The following CSPP1 variants were observed in gnomAD, a reference collection of about 807,000 sequenced individuals.
The protein encoded by CSPP1 is centrosome and spindle pole-associated protein 1.
CSPP1 carries 126 observed loss-of-function variants against 164.4 expected under a neutral mutation model. The observed-to-expected ratio is 0.77, with a 90% CI of 0.66 to 0.89. The LOEUF (loss-of-function observed/expected upper bound fraction) is 0.89, where lower values mean the gene tolerates loss of function less well. Among genes scored for constraint, CSPP1 ranks in the 40% least tolerant of loss-of-function variants. The pLI is 0.00. For synonymous variants in CSPP1, 472 were observed against 476.7 expected (o/e 0.99, Z 0.13); for missense variants, 1,395 against 1,449.8 (o/e 0.96, Z 0.61).
chr8:67,175,487 GT>G (rs762472103), intron 26 of CSPP1, 51 bp downstream of exon 26: 1 of 1,602,260 alleles, frequency 6.2e-7, no homozygotes, highest in Non-Finnish European at 8.5e-7. Context: ...CTGTTTTTCC[GT>G]AGGCTTTCTG....
intron 12 of CSPP1, among the ~76,000 whole-genome samples, chr8:67,115,668 C>A (rs1343512741): frequency 6.6e-6 from 1 of 151,602 alleles, no homozygotes; most frequent in Non-Finnish European, 1.5e-5. Context: ...GAGACTCTGC[C>A]TCAAAAATAA....
intron 15 of CSPP1, 74 bp downstream of exon 15, chr8:67,118,895 C>A: frequency 1.0e-6 from 1 of 964,596 alleles, no homozygotes; most frequent in South Asian, 1.3e-5. Flanking sequence ...TAAAAGCCAC[C>A]ATCCTAACAT....
In CSPP1 at chr8:67,158,528, GAA is replaced by G; in HGVS notation, c.2324_2325del (p.Glu775AlafsTer10). 1 of 1,612,858 alleles carries G rather than the reference GAA, an allele frequency of 6.2e-7. No individual in the cohort carries two copies. Among genetic ancestry groups the G allele is most frequent in the Non-Finnish European group, 8.5e-7 (1 of 1,179,212 alleles). On this transcript the variant is annotated frameshift_variant, in exon 20 of 31. Transcript: ENST00000678616. LOFTEE classifies it high-confidence loss of function. ...AEEKEERRLAEQRARIQQEYE... is the reference protein window; with the variant it reads ...AEEKEERRLAXQRARIQQEYE... Reference sequence around the variant, plus strand: ...AGAAAAAGAAGAAAGACGGCTTGCAGAACAGAGGGCACGAATTCAGCAGGAGT... The same window carrying G: ...AGAAAAAGAAGAAAGACGGCTTGCAGCAGAGGGCACGAATTCAGCAGGAGT...
chr8:67,177,477 A>C (rs1202863596), intron 26 of CSPP1, among the ~76,000 whole-genome samples: 1 of 152,224 alleles, frequency 6.6e-6, no homozygotes, highest in East Asian at 1.9e-4. Context: ...ATGTTCATTC[A>C]TGTGAATGGG....
chr8:67,167,506 AGCT>A (rs1829618344), intron 24 of CSPP1, among the ~76,000 whole-genome samples: 1 of 108,970 alleles, frequency 9.2e-6, no homozygotes, highest in African/African-American at 3.4e-5. Flanking sequence ...CAGACGGGGC[AGCT>A]GCCGGGCGGA....
chr8:67,165,206 C>T (rs1244524626), intron 24 of CSPP1, among the ~76,000 whole-genome samples: 2 of 152,066 alleles, frequency 1.3e-5, no homozygotes, highest in Non-Finnish European at 2.9e-5. Context: ...ATGGCGTGAA[C>T]CCAGGAGGCG....
chr8:67,093,742 GTAAATACTTGCAAAAT>G, intron 6 of CSPP1, 101 bp downstream of exon 6: 1 of 621,250 alleles, frequency 1.6e-6, no homozygotes, highest in South Asian at 3.2e-5. Flanking sequence ...ACTTTTTTTT[GTAAATACTTGCAAAAT>G]TAAGCCAAAT....
intron 12 of CSPP1, chr8:67,115,197 A>C (rs1817681700): frequency 1.3e-5 from 2 of 152,240 alleles, no homozygotes; most frequent in Non-Finnish European, 2.9e-5. Context: ...TGTTTTACAG[A>C]ATACTATAAC....
At chr8:67,142,528 A>C (rs1477866958) in intron 17 of CSPP1, among the ~76,000 whole-genome samples, 1 of 152,108 alleles carries the variant, frequency 6.6e-6, no homozygotes, top group Non-Finnish European at 1.5e-5. Flanking sequence ...ATAGTATTAC[A>C]TTTTCTGAAG....
chr8:67,108,020 A>G (rs1338428077), intron 9 of CSPP1, among the ~76,000 whole-genome samples: 1 of 135,212 alleles, frequency 7.4e-6, no homozygotes, highest in African/African-American at 2.8e-5. Context: ...GGCTCAGAAT[A>G]TAGTCTGTCT....
intron 28 of CSPP1, among the ~76,000 whole-genome samples, chr8:67,184,454 C>T (rs1833869330): frequency 6.6e-6 from 1 of 152,072 alleles, no homozygotes; most frequent in Non-Finnish European, 1.5e-5. Context: ...CAGGGCATAT[C>T]TAGCTGGGCA....
chr8:67,094,252 T>C (rs1812244793), intron 6 of CSPP1, among the ~76,000 whole-genome samples: 6 of 150,882 alleles, frequency 4.0e-5, no homozygotes, highest in Admixed American at 2.0e-4. Context: ...GATAGGAATT[T>C]GCATTTAGTT....
At chr8:67,082,810 G>T (rs2129542842) in intron 3 of CSPP1, among the ~76,000 whole-genome samples, 1 of 152,140 alleles carries the variant, frequency 6.6e-6, no homozygotes, top group South Asian at 2.1e-4. Context: ...CTATCTTAGG[G>T]TCATTGATGT....
Position 67,095,566 on chromosome 8 carries a change from G to A in CSPP1, c.757G>A (p.Ala253Thr), listed in dbSNP as rs771943937. The change falls in exon 7 of 31, where the codon GCT becomes ACT. Residue 253 changes from alanine (A) to threonine (T), a missense_variant. Ala to Thr is a moderately conservative substitution (Grantham distance 58). Coordinates refer to ENST00000678616, the MANE Select transcript of CSPP1 (RefSeq NM_001382391.1). ...NLKHQRFASKAGIPDRRFHRF... is the reference protein window; with the variant it reads ...NLKHQRFASKTGIPDRRFHRF... ...AAAACATCAAAGGTTTGCAAGCAAG[G>A]CTGGCATTCCAGATAGAAGATTTCA... 1.2e-6 allele frequency: 2 copies of A among 1,613,900 alleles called. No individual in the cohort carries two copies.
In CSPP1 at chr8:67,077,747, A is replaced by G. The variant is rs550464702; in HGVS notation, c.199+1166A>G. ...TCATTTGATTAAAGCATTGTTCTCA[A>G]ATGGACAGCTTTTCATGGATGTAGG... is the stretch of plus-strand genomic sequence containing the variant. On this transcript the variant is annotated intron_variant, in intron 3 of 30. Transcript: ENST00000678616. 2.0e-5 allele frequency among the ~76,000 whole-genome samples: 3 copies of G among 152,322 alleles called. No homozygotes were observed. The East Asian group carries it at 5.8e-4, about 29-fold the overall frequency.
chr8:67,080,598 A>G (rs1428216504), intron 3 of CSPP1, among the ~76,000 whole-genome samples: 1 of 152,246 alleles, frequency 6.6e-6, no homozygotes, highest in Non-Finnish European at 1.5e-5. Flanking sequence ...AAGGGTCACC[A>G]GGACACCTTC....
intron 3 of CSPP1, among the ~76,000 whole-genome samples, chr8:67,083,425 G>A (rs1180559789): frequency 6.6e-6 from 1 of 150,470 alleles, no homozygotes; most frequent in African/African-American, 2.4e-5. Context: ...CCAGCTACTT[G>A]AGAGGCTGAG....
intron 16 of CSPP1, chr8:67,134,374 G>A (rs1821813380): frequency 6.6e-6 from 1 of 152,100 alleles, no homozygotes; most frequent in Non-Finnish European, 1.5e-5. Context: ...CTAGCTCTTG[G>A]TTGACCAGGT....
chr8:67,187,268 G>A (rs1343448156), intron 28 of CSPP1, among the ~76,000 whole-genome samples: 2 of 152,176 alleles, frequency 1.3e-5, no homozygotes, highest in African/African-American at 4.8e-5. Context: ...CCAGCACAAT[G>A]TTTAAAGAGA....
Sources: gnomAD v4.1 joint callset for allele counts (sites outside exome capture counted in the v4.1 genomes callset) on GRCh38, gnomAD v4.1.1 for gene constraint, MANE v1.5 for transcripts, NCBI Gene and HGNC (gene_info 2026-07-23, HGNC 2026-07-21) for gene names.